The following KHDC4 variants were observed in gnomAD, a reference collection of about 807,000 sequenced individuals.
The protein encoded by KHDC4 is KH domain containing 4, pre-mRNA splicing factor.
Under a neutral mutation model 74.5 loss-of-function variants are expected in KHDC4, and 19 were observed. The observed-to-expected ratio is 0.26, with a 90% confidence interval of 0.18 to 0.37. The LOEUF (loss-of-function observed/expected upper bound fraction) is 0.37, where lower values mean the gene tolerates loss of function less well. Ranked by LOEUF, KHDC4 falls within the 10% of genes least tolerant of loss-of-function variation. The pLI, the probability that KHDC4 is intolerant of heterozygous loss-of-function variation, is 1.00. For synonymous variants in KHDC4, 253 were observed against 266.1 expected (o/e 0.95, Z 0.48); for missense variants, 632 against 754.1 (o/e 0.84, Z 1.90).
At chr1:155,919,993 G>T (rs1224235512) in intron 10 of KHDC4, 1 of 517,982 alleles carries the variant, frequency 1.9e-6, no homozygotes, top group East Asian at 5.5e-5. Context: ...TATGGCATGG[G>T]TACACTATGA....
Position 155,925,770 on chromosome 1 carries a change from A to G in KHDC4, c.755T>C (p.Val252Ala), listed in dbSNP as rs765352696. 2 of 1,614,176 alleles carry G rather than the reference A, an allele frequency of 1.2e-6. No homozygotes were observed. The highest frequency in any genetic ancestry group is 4.5e-5 in the East Asian group (2 of 44,888). The change falls in exon 7 of 14, where the codon GTG (valine) becomes GCG (alanine). Residue 252 changes from valine (V) to alanine (A), a missense_variant. Transcript: ENST00000368321. ...AVPTFNVKEKVEGPGCSYLQH... is the reference protein window; with the variant it reads ...AVPTFNVKEKAEGPGCSYLQH... ...CAAATAGGAGCAGCCTGGACCTTCCACCTTCTCCTTGACATTAAAAGTGGG... is the reference window on the plus strand; with the variant it reads ...CAAATAGGAGCAGCCTGGACCTTCCGCCTTCTCCTTGACATTAAAAGTGGG...
In KHDC4 at chr1:155,915,862, A is replaced by G; in HGVS notation, c.1645+11T>C. 1 of 1,551,294 alleles carries G rather than the reference A, an allele frequency of 6.4e-7. No homozygotes were observed. Among genetic ancestry groups the G allele is most frequent in the Non-Finnish European group, 8.8e-7 (1 of 1,133,886 alleles). On this transcript the variant is annotated intron_variant, in intron 13 of 13. Coordinates refer to ENST00000368321, the MANE Select transcript of KHDC4 (RefSeq NM_014949.4). The stretch of plus-strand genomic sequence containing the variant: ...GCCACTCCCCTGTTCCCCCAGCTAT[A>G]TCACACTCACCATGGCTCCCTGTTA...
At chr1:155,927,191 T>G in intron 4 of KHDC4, 35 bp from the exon 5 acceptor site, 6 of 1,573,970 alleles carry the variant, frequency 3.8e-6, no homozygotes, top group Non-Finnish European at 5.2e-6. Context: ...GATCTCAATG[T>G]GGTCAAAACC....
At chr1:155,928,255 T>G (rs2102607347) in intron 4 of KHDC4, among the ~76,000 whole-genome samples, 1 of 152,120 alleles carries the variant, frequency 6.6e-6, no homozygotes. Context: ...ATGCTTGTAA[T>G]CCCAGCTACT....
chr1:155,930,274 A>T (rs1415365277), intron 2 of KHDC4, among the ~76,000 whole-genome samples: 1 of 151,998 alleles, frequency 6.6e-6, no homozygotes, highest in African/African-American at 2.4e-5. Flanking sequence ...ACACCTCCCT[A>T]CCCTTCCCTT....
At chr1:155,932,746 T>TG (rs1674166791) in intron 2 of KHDC4, 1 of 151,986 alleles carries the variant, frequency 6.6e-6, no homozygotes, top group Non-Finnish European at 1.5e-5. Flanking sequence ...TTGGTCAACA[T>TG]GGTGAAACCC....
Position 155,915,912 on chromosome 1 carries a change from C to G in KHDC4, c.1606G>C (p.Asp536His), listed in dbSNP as rs769959156. Reference protein sequence around the residue: ...FPVTGIKTESDERNGSGTLTG... With the variant: ...FPVTGIKTESHERNGSGTLTG... ...AAGGTCCCAGACCCATTCCTTTCAT[C>G]GGACTCTGTTTTTATTCCAGTCACT... The change falls in exon 13 of 14, where the codon GAT becomes CAT. Residue 536 changes from aspartate (D) to histidine (H), a missense_variant. Physicochemically the swap from Asp to His is moderately conservative, Grantham distance 81. Coordinates refer to ENST00000368321, the MANE Select transcript of KHDC4 (RefSeq NM_014949.4). 2 of 1,602,410 alleles carry G rather than the reference C, an allele frequency of 1.2e-6. No individual in the cohort carries two copies. Among genetic ancestry groups the G allele is most frequent in the Non-Finnish European group, 8.5e-7 (1 of 1,176,088 alleles).
At chr1:155,926,934 C>T (rs2275076) in intron 5 of KHDC4, 95 bp from the exon 6 acceptor site, 9 of 1,434,960 alleles carry the variant, frequency 6.3e-6, no homozygotes, top group African/African-American at 4.2e-5. Context: ...CTGCTTTATA[C>T]GTTACCCAAA....
intron 8 of KHDC4, among the ~76,000 whole-genome samples, chr1:155,922,671 G>T (rs1673892048): frequency 6.6e-6 from 1 of 152,126 alleles, no homozygotes; most frequent in Non-Finnish European, 1.5e-5. Flanking sequence ...CTCACATTTA[G>T]TAAGGGTTTC....
chr1:155,917,713 A>G, intron 10 of KHDC4, 41 bp from the exon 11 acceptor site: 2 of 1,394,002 alleles, frequency 1.4e-6, no homozygotes, highest in Non-Finnish European at 9.6e-7. Context: ...AAGTGTGAGA[A>G]TGCCCAAGGA....
intron 7 of KHDC4, among the ~76,000 whole-genome samples, chr1:155,924,140 ACC>A (rs1256867198): frequency 6.6e-6 from 1 of 151,964 alleles, no homozygotes; most frequent in Admixed American, 6.6e-5. Flanking sequence ...ACACGGTGAA[ACC>A]CCATCTCTAC....
Position 155,923,699 on chromosome 1 carries a change from T to C in KHDC4, c.894-12A>G. ...CTGGTTTGGGGTGACTGCAAAGAAA[T>C]AACCAGGAATTCAAAGGAGAGAAAA... is the stretch of plus-strand genomic sequence containing the variant. On this transcript the variant is annotated splice_polypyrimidine_tract_variant and intron_variant, in intron 7 of 13. Transcript: ENST00000368321. The C allele has an allele frequency of 6.2e-7, 1 of 1,604,164 alleles. No homozygotes were observed. The highest frequency in any genetic ancestry group is 8.5e-7 in the Non-Finnish European group (1 of 1,171,248).
intron 4 of KHDC4, 139 bp downstream of exon 4, chr1:155,929,157 T>C (rs1024179839): frequency 3.6e-6 from 2 of 553,084 alleles, no homozygotes; most frequent in Non-Finnish European, 6.5e-6. Flanking sequence ...TATCCAGAAT[T>C]CTGCTATAGT....
At position 155,914,209 on chromosome 1, in the gene KHDC4, C is replaced by T; in HGVS notation, c.1757G>A (p.Ser586Asn). ...EEHGGHKNAS[S>N]FPQGWSLGYQ... ...TCCCAAACTCCAGCCCTGTGGAAAACTACTTGCATTTTTATGACCTCCATG... is the reference window on the plus strand; with the variant it reads ...TCCCAAACTCCAGCCCTGTGGAAAATTACTTGCATTTTTATGACCTCCATG... Residue 586 changes from serine to asparagine, a missense_variant, in exon 14 of 14, where the codon AGT (serine) becomes AAT (asparagine). Transcript: ENST00000368321. 1 of 1,614,124 alleles carries T rather than the reference C, an allele frequency of 6.2e-7. No homozygotes were observed. Among genetic ancestry groups the T allele is most frequent in the Non-Finnish European group, 8.5e-7 (1 of 1,180,010 alleles).
Position 155,921,420 on chromosome 1 carries a change from T to G in KHDC4, c.1221A>C (p.Thr407=). ...GCTGCACTTGTGTTATCGGGTATTG[T>G]GTTGGCACAGGTGGGACTCCAGTAG... is the stretch of plus-strand genomic sequence containing the variant. ...ALPTGVPPVP[T]QYPITQVQPP... The change falls in exon 10 of 14, where the codon ACA becomes ACC. Residue 407 remains threonine, a synonymous_variant. Coordinates refer to ENST00000368321, the MANE Select transcript of KHDC4 (RefSeq NM_014949.4). The G allele has an allele frequency of 6.2e-7, 1 of 1,614,174 alleles. No individual in the cohort carries two copies. The highest frequency in any genetic ancestry group is 2.2e-5 in the East Asian group (1 of 44,884).
intron 2 of KHDC4, among the ~76,000 whole-genome samples, chr1:155,931,290 CAAAAA>C (rs55769714): frequency 1.8e-5 from 2 of 109,658 alleles, no homozygotes; most frequent in African/African-American, 3.7e-5. Flanking sequence ...ACTCTATCAC[CAAAAA>C]AAAAAAAAAA....
At chr1:155,919,949 G>A (rs779953519) in intron 10 of KHDC4, 3 of 516,628 alleles carry the variant, frequency 5.8e-6, no homozygotes, top group South Asian at 4.2e-5. Flanking sequence ...CCACAGGTAA[G>A]GGGACTGGGC....
chr1:155,934,337 C>G lies in KHDC4; in HGVS notation c.37G>C (p.Gly13Arg), dbSNP rs776624601. The G allele has an allele frequency of 1.7e-5, 27 of 1,610,184 alleles. No individual in the cohort carries two copies. Among genetic ancestry groups the G allele is most frequent in the Admixed American group, 5.0e-5 (3 of 59,974 alleles). ...AGSATHPGAG[G>R]RRSKWDQPAP... ...ATGCCCTCGCCCCTGAAGCCGTACC[C>G]GCCAGCTCCAGGATGTGTCGCGCTC... The change falls in exon 1 of 14, where the codon GGG becomes CGG. Residue 13 changes from glycine to arginine, a missense_variant and splice_region_variant. Transcript: ENST00000368321.
intron 7 of KHDC4, among the ~76,000 whole-genome samples, chr1:155,924,852 G>A (rs1572010228): frequency 2.0e-5 from 3 of 151,622 alleles, no homozygotes; most frequent in Admixed American, 2.0e-4. Flanking sequence ...GGGATTACAG[G>A]TGTGAGCCAC....
Sources: gnomAD v4.1 joint callset for allele counts (sites outside exome capture counted in the v4.1 genomes callset) on GRCh38, gnomAD v4.1.1 for gene constraint, MANE v1.5 for transcripts, NCBI Gene and HGNC (gene_info 2026-07-23, HGNC 2026-07-21) for gene names.